Variants in NAP1L1 observed in about 807,000 individuals in gnomAD.
The protein encoded by NAP1L1 is nucleosome assembly protein 1-like 1.
In NAP1L1, 9 loss-of-function variants were observed where a neutral mutation model predicts 58.9. The observed-to-expected ratio is 0.15, with a 90% CI of 0.09 to 0.27. The LOEUF (loss-of-function observed/expected upper bound fraction) is 0.27. Ranked by LOEUF, NAP1L1 falls within the 10% of genes least tolerant of loss-of-function variation. The probability of loss-of-function intolerance (pLI) is 1.00; values close to 1 mark genes in which losing one functional copy is unlikely to be tolerated. For synonymous variants in NAP1L1, 130 were observed against 138.3 expected, an observed-to-expected ratio of 0.94 and a Z score of 0.42; for missense variants, 302 against 458.8, an observed-to-expected ratio of 0.66 and a Z score of 3.12.
At chr12:76,066,173 A>C (rs1183516580) in intron 4 of NAP1L1, among the ~76,000 whole-genome samples, 1 of 151,500 alleles carries the variant, frequency 6.6e-6, no homozygotes, top group Admixed American at 6.6e-5. Context: ...TCAAAAAATG[A>C]GGCAGAAAAA....
chr12:76,062,037 C>T (rs7299063), intron 4 of NAP1L1, among the ~76,000 whole-genome samples: 96,421 of 151,984 alleles, frequency 0.63, 30,977 homozygotes, highest in East Asian at 0.96. Flanking sequence ...ATGGCCACAG[C>T]AGGTAGCAGT....
chr12:76,054,180 C>T (rs144828205), intron 8 of NAP1L1, among the ~76,000 whole-genome samples: 2,750 of 152,204 alleles, frequency 0.018, 34 homozygotes, highest in Non-Finnish European at 0.027. Context: ...TAGGTGTGTG[C>T]CACCACACCC....
rs1271702227 is a variant in NAP1L1 at position 76,045,701 on chromosome 12, G to A, written c.*2728C>T. ...AAGAATCCTAAGAAATTATATATGT[G>A]GCTTTCAGACATCCATGTTAAACTA... is the stretch of plus-strand genomic sequence containing the variant. On this transcript the variant is annotated 3_prime_UTR_variant, in exon 15 of 15. Coordinates refer to ENST00000618691, the MANE Select transcript of NAP1L1 (RefSeq NM_004537.7). The A allele has an allele frequency of 3.3e-5, 5 of 151,932 alleles. No individual in the cohort carries two copies. The East Asian group carries it at 7.7e-4, about 23-fold the overall frequency. The allele number at this position is 151,932 out of a possible 1,614,324, so 9.4% of individuals were successfully genotyped here. A position where few individuals can be genotyped will look rare whatever the true frequency, so the allele number is the denominator to read the frequency against.
chr12:76,068,727 C>T (rs1451119968), intron 3 of NAP1L1, 182 bp downstream of exon 3: 1 of 486,374 alleles, frequency 2.1e-6, no homozygotes, highest in African/African-American at 2.2e-5. Context: ...CTATACCTAC[C>T]CGCCCCTTAC....
rs1348480917 is a variant in NAP1L1 at position 76,040,674 on chromosome 12, C to T, written c.*7755G>A. The T allele has an allele frequency of 6.6e-6, 1 of 152,210 alleles. No homozygotes were observed. Among genetic ancestry groups the T allele is most frequent in the East Asian group, 1.9e-4 (1 of 5,190 alleles). The allele number at this position is 152,210 out of a possible 1,614,324, so 9.4% of individuals were successfully genotyped here. A position where few individuals can be genotyped will look rare whatever the true frequency, so the allele number is the denominator to read the frequency against. On this transcript the variant is annotated 3_prime_UTR_variant, in exon 15 of 15. Coordinates refer to ENST00000618691, the MANE Select transcript of NAP1L1 (RefSeq NM_004537.7). ...TCCAGAGTTCAATCAATTCTTGTGC[C>T]TCAGCCTCCTGAGTAGCTTGGACTA... is the stretch of plus-strand genomic sequence containing the variant.
intron 2 of NAP1L1, among the ~76,000 whole-genome samples, chr12:76,071,944 G>A (rs1227020748): frequency 2.5e-5 from 3 of 118,024 alleles, no homozygotes; most frequent in African/African-American, 1.0e-4. Context: ...GTTCAACGAT[G>A]AATCTGACTA....
At chr12:76,068,735 T>TACACACACACAGACAC (rs1949801472) in intron 3 of NAP1L1, 174 bp downstream of exon 3, 1 of 281,758 alleles carries the variant, frequency 3.5e-6, no homozygotes, top group African/African-American at 2.9e-5. Context: ...ACCCGCCCCT[T>TACACACACACAGACAC]ACACACACAC....
At chr12:76,059,746 G>T in intron 6 of NAP1L1, 52 bp downstream of exon 6, 1 of 1,242,870 alleles carries the variant, frequency 8.0e-7, no homozygotes, top group Non-Finnish European at 1.2e-6. Context: ...TTTCTGACAA[G>T]TCCTAAGATT....
chr12:76,068,739 C>T (rs1450495145), intron 3 of NAP1L1, 170 bp downstream of exon 3: 1 of 370,484 alleles, frequency 2.7e-6, no homozygotes, highest in Non-Finnish European at 4.9e-6. Context: ...GCCCCTTACA[C>T]ACACACACAC....
chr12:76,068,815 G>C (rs1949812507), intron 3 of NAP1L1, 94 bp downstream of exon 3: 6 of 810,534 alleles, frequency 7.4e-6, no homozygotes, highest in Admixed American at 3.9e-5. Flanking sequence ...GGGACAATGA[G>C]CAAGGGTCCA....
At position 76,047,427 on chromosome 12, in the gene NAP1L1, CTTT is replaced by C. The variant is rs879099815; in HGVS notation, c.*999_*1001del. The C allele has an allele frequency of 9.2e-5, 12 of 129,738 alleles. No homozygotes were observed. Among genetic ancestry groups the C allele is most frequent in the Non-Finnish European group, 1.2e-4 (7 of 59,410 alleles). The allele number at this position is 129,738 out of a possible 1,614,324, so 8.0% of individuals were successfully genotyped here. ...ATCAATCACTTAAGATTTTCTTCCT[CTTT>C]TTTTTTTTTTTTTACACTTGCTTAT... On this transcript the variant is annotated 3_prime_UTR_variant, in exon 15 of 15. Coordinates refer to ENST00000618691, the MANE Select transcript of NAP1L1 (RefSeq NM_004537.7).
chr12:76,079,755 C>A (rs1950329279), intron 1 of NAP1L1, among the ~76,000 whole-genome samples: 2 of 150,992 alleles, frequency 1.3e-5, no homozygotes, highest in Admixed American at 6.6e-5. Context: ...GTGATCACAG[C>A]TCACTGCAGC....
chr12:76,075,734 G>A lies in NAP1L1; in HGVS notation c.-20-1495C>T, dbSNP rs143217108. ...TCAAAGAAATCCAAGTAGGATTCCA[G>A]TTTGTCTACCACATCATCAATAACT... On this transcript the variant is annotated intron_variant, in intron 1 of 14. Transcript: ENST00000618691. 9.7e-3 allele frequency among the ~76,000 whole-genome samples: 1,483 copies of A among 152,274 alleles called. 23 individuals carry two copies. Among genetic ancestry groups the A allele is most frequent in the African/African-American group, 0.033 (1,375 of 41,544 alleles).
At position 76,046,885 on chromosome 12, in the gene NAP1L1, T is replaced by TAA. The variant is rs1716531231; in HGVS notation, c.*1542_*1543dup. The TAA allele has an allele frequency of 6.6e-6, 1 of 152,510 alleles. No individual in the cohort carries two copies. The highest frequency in any genetic ancestry group is 6.5e-5 in the Admixed American group (1 of 15,268). The allele number at this position is 152,510 out of a possible 1,614,324, so 9.4% of individuals were successfully genotyped here. On this transcript the variant is annotated 3_prime_UTR_variant, in exon 15 of 15. Transcript: ENST00000618691. ...GTCAAAAATAGTCTTATTTCCACTT[T>TAA]AAGTCTCATGACTACAATACTATAG...
chr12:76,077,980 C>CGA (rs1950251022), intron 1 of NAP1L1, among the ~76,000 whole-genome samples: 1 of 65,964 alleles, frequency 1.5e-5, no homozygotes, highest in African/African-American at 6.3e-5. Context: ...GACCCTGTCT[C>CGA]AAAAAAAAAA....
intron 6 of NAP1L1, chr12:76,057,318 A>AAAT (rs1949156578): frequency 3.0e-6 from 1 of 330,170 alleles, no homozygotes; most frequent in Non-Finnish European, 5.8e-6. Flanking sequence ...AAATGTAAGG[A>AAAT]AATAATGACT....
At chr12:76,070,122 CTTT>C (rs5799240) in intron 2 of NAP1L1, among the ~76,000 whole-genome samples, 11 of 146,392 alleles carry the variant, frequency 7.5e-5, no homozygotes, top group Non-Finnish European at 3.0e-5. Context: ...TTTCTGAAAG[CTTT>C]TTTTTTTTTG....
chr12:76,072,310 A>C lies in NAP1L1; in HGVS notation c.17+1893T>G, dbSNP rs1044960463. Among the ~76,000 whole-genome samples the C allele has an allele frequency of 1.1e-4, 17 of 151,612 alleles. No homozygotes were observed. In the South Asian group the frequency reaches 1.2e-3, roughly 11 times the overall value. ...GAAGAGGATGCTATTTAAAAAAAAA[A>C]AAAAACAAAAAAACAGGAAGAACGA... is the stretch of plus-strand genomic sequence containing the variant. On this transcript the variant is annotated intron_variant, in intron 2 of 14. Transcript: ENST00000618691.
At chr12:76,066,495 C>G (rs1949679017) in intron 4 of NAP1L1, among the ~76,000 whole-genome samples, 1 of 151,632 alleles carries the variant, frequency 6.6e-6, no homozygotes, top group South Asian at 2.1e-4. Context: ...GCAATCCCAA[C>G]AAGAAAGTGG....
Sources: gnomAD v4.1 joint callset for allele counts (sites outside exome capture counted in the v4.1 genomes callset) on GRCh38, gnomAD v4.1.1 for gene constraint, MANE v1.5 for transcripts, NCBI Gene and HGNC (gene_info 2026-07-23, HGNC 2026-07-21) for gene names.